DNAH6: variants seen among roughly 807,000 people sequenced by gnomAD.
DNAH6 encodes axonemal beta dynein heavy chain 6.
A neutral mutation model predicts 491.4 loss-of-function variants in DNAH6; 340 were observed. That is an observed-to-expected ratio of 0.69 (90% CI 0.63 to 0.76). DNAH6 has a LOEUF of 0.76. Among genes scored for constraint, DNAH6 ranks in the 30% least tolerant of loss-of-function variants. The pLI, the probability that DNAH6 is intolerant of heterozygous loss-of-function variation, is 0.00. For synonymous variants in DNAH6, 1,603 were observed against 1,686.1 expected (o/e 0.95, Z 1.21); for missense variants, 4,443 against 4,972.2 (o/e 0.89, Z 3.20).
At chr2:84,550,581 T>C (rs1558698021) in intron 9 of DNAH6, among the ~76,000 whole-genome samples, 1 of 152,070 alleles carries the variant, frequency 6.6e-6, no homozygotes, top group Non-Finnish European at 1.5e-5. Context: ...TATCTAATAA[T>C]AGAGTAAAAA....
At chr2:84,764,646 CT>C (rs1180100679) in intron 64 of DNAH6, among the ~76,000 whole-genome samples, 4 of 152,116 alleles carry the variant, frequency 2.6e-5, no homozygotes, top group Middle Eastern at 3.2e-3. Context: ...CATTCAAGTC[CT>C]TTTTTTATAA....
At chr2:84,728,723 A>G (rs895284176) in intron 61 of DNAH6, among the ~76,000 whole-genome samples, 1 of 152,078 alleles carries the variant, frequency 6.6e-6, no homozygotes, top group African/African-American at 2.4e-5. Context: ...CGCCTTCTGT[A>G]ATACTGTAAT....
intron 70 of DNAH6, among the ~76,000 whole-genome samples, chr2:84,804,701 C>CCATTCT (rs1205978369): frequency 4.6e-5 from 7 of 152,216 alleles, no homozygotes; most frequent in African/African-American, 1.7e-4. Flanking sequence ...AACTGATCAA[C>CCATTCT]TTAAAAATGT....
intron 16 of DNAH6, among the ~76,000 whole-genome samples, chr2:84,590,175 G>A (rs1487781449): frequency 6.6e-6 from 1 of 152,062 alleles, no homozygotes; most frequent in Non-Finnish European, 1.5e-5. Context: ...TAAGGAGCAA[G>A]GTATGGAGGA....
rs562975999 is a variant in DNAH6, at chr2:84,698,684, G to C, written c.7678-910G>C. Among the ~76,000 whole-genome samples the C allele has an allele frequency of 2.0e-5, 3 of 152,256 alleles. No individual in the cohort carries two copies. The East Asian group carries it at 5.8e-4, about 29-fold the overall frequency. On this transcript the variant is annotated intron_variant, in intron 47 of 76. Coordinates refer to ENST00000389394, the MANE Select transcript of DNAH6 (RefSeq NM_001370.2). ...CATTTGATCCAGCAATCCCATTACT[G>C]GTATATACCCAAAGGAAAATAAATC... is the stretch of plus-strand genomic sequence containing the variant.
intron 15 of DNAH6, among the ~76,000 whole-genome samples, chr2:84,585,244 C>T (rs1448606307): frequency 6.6e-6 from 1 of 152,190 alleles, no homozygotes; most frequent in East Asian, 1.9e-4. Flanking sequence ...ATCCACTACT[C>T]ATATCAATAA....
chr2:84,733,569 C>T lies in DNAH6; in HGVS notation c.10332C>T (p.Ser3444=), dbSNP rs1246522898. Residue 3444 remains serine (S), a synonymous_variant, in exon 62 of 77, where the codon TCC becomes TCT. Transcript: ENST00000389394. ...AAAATATATTGTCACATCCTATTTC[C>T]ATACGCTTAGGTAATGTGACAAAAA... The part of the protein sequence containing the change: ...LTQNILSHPI[S]IRLGSFETYI... 1.3e-6 allele frequency: 2 copies of T among 1,551,508 alleles called. No homozygotes were observed. Among genetic ancestry groups the T allele is most frequent in the South Asian group, 2.4e-5 (2 of 84,044 alleles).
At chr2:84,526,475 A>G (rs1676613691) in intron 3 of DNAH6, among the ~76,000 whole-genome samples, 1 of 152,152 alleles carries the variant, frequency 6.6e-6, no homozygotes. Flanking sequence ...ACAGTGGGGT[A>G]TAAGAGCTCT....
In DNAH6 at chr2:84,819,553, C is replaced by A; in HGVS notation, c.*145C>A. Reference sequence around the variant, plus strand: ...ATTGTGACTTTTATTTCTCTTATGACCTTAAAATAAAGTGTTTGAGTTCTT... The same window carrying A: ...ATTGTGACTTTTATTTCTCTTATGAACTTAAAATAAAGTGTTTGAGTTCTT... On this transcript the variant is annotated 3_prime_UTR_variant, in exon 77 of 77. Transcript: ENST00000389394. 1.9e-6 allele frequency: 1 copy of A among 534,398 alleles called. No individual in the cohort carries two copies. The highest frequency in any genetic ancestry group is 3.2e-6 in the Non-Finnish European group (1 of 310,096). 33.1% of individuals were successfully genotyped at this position (534,398 alleles called of 1,614,324 possible).
At chr2:84,477,617 A>G in the DNAH6 span, among the ~76,000 whole-genome samples, 1 of 152,128 alleles carries the variant, frequency 6.6e-6, no homozygotes, top group African/African-American at 2.4e-5. Context: ...TCATGGACAC[A>G]TTGACTCACA....
the DNAH6 span, among the ~76,000 whole-genome samples, chr2:84,478,091 A>G: frequency 6.6e-6 from 1 of 152,334 alleles, no homozygotes; most frequent in Non-Finnish European, 1.5e-5. Flanking sequence ...TGTAGGTACT[A>G]CTAATCCCTT....
chr2:84,702,691 C>T (rs146340235), intron 49 of DNAH6, among the ~76,000 whole-genome samples: 22 of 151,938 alleles, frequency 1.4e-4, no homozygotes, highest in African/African-American at 2.4e-4. Context: ...TATAGTCAAC[C>T]GCCACCACGC....
intron 64 of DNAH6, chr2:84,777,991 A>G: frequency 1.1e-6 from 1 of 950,262 alleles, no homozygotes; most frequent in Non-Finnish European, 1.7e-6. Context: ...TGGAATTTGC[A>G]GTTACATTAT....
chr2:84,626,801 C>T (rs1687908791), intron 29 of DNAH6, among the ~76,000 whole-genome samples: 1 of 152,114 alleles, frequency 6.6e-6, no homozygotes, highest in Non-Finnish European at 1.5e-5. Context: ...GGGGGTTTCA[C>T]CATCTTGGCC....
At chr2:84,624,724 A>T in intron 28 of DNAH6, 104 bp downstream of exon 28, 1 of 1,345,048 alleles carries the variant, frequency 7.4e-7, no homozygotes, top group Non-Finnish European at 1.0e-6. Flanking sequence ...ATTTATTATG[A>T]ATACATCTTT....
At chr2:84,715,478 T>C in intron 57 of DNAH6, 82 bp from the exon 58 acceptor site, 1 of 1,324,522 alleles carries the variant, frequency 7.5e-7, no homozygotes, top group Non-Finnish European at 1.1e-6. Flanking sequence ...GCCTGGGTAG[T>C]AATGAGCTGT....
At chr2:84,808,692 A>G in intron 72 of DNAH6, 150 bp downstream of exon 72, 1 of 744,196 alleles carries the variant, frequency 1.3e-6, no homozygotes, top group Non-Finnish European at 2.1e-6. Flanking sequence ...AAATGAATTT[A>G]TCCTTCTCTA....
intron 37 of DNAH6, among the ~76,000 whole-genome samples, chr2:84,662,628 C>A (rs1691634581): frequency 6.6e-6 from 1 of 152,222 alleles, no homozygotes; most frequent in African/African-American, 2.4e-5. Context: ...GTGGAGCCCA[C>A]CACAGCTCAA....
At chr2:84,805,461 T>C (rs928246984) in intron 70 of DNAH6, among the ~76,000 whole-genome samples, 5 of 152,226 alleles carry the variant, frequency 3.3e-5, no homozygotes, top group Non-Finnish European at 5.9e-5. Flanking sequence ...TGCAACATTG[T>C]ACCTATAGTC....
Sources: allele counts gnomAD v4.1 joint callset (sites outside exome capture counted in the v4.1 genomes callset), GRCh38; gene constraint gnomAD v4.1.1; transcripts MANE v1.5; gene names NCBI Gene and HGNC (gene_info 2026-07-23, HGNC 2026-07-21).